HS3ST3B1: variants seen among roughly 807,000 people sequenced by gnomAD.
HS3ST3B1 encodes heparan sulfate glucosamine 3-O-sulfotransferase 3B1.
A neutral mutation model predicts 21.3 loss-of-function variants in HS3ST3B1; 13 were observed. That is an observed-to-expected ratio of 0.61 (90% CI 0.40 to 0.97). HS3ST3B1 has a LOEUF of 0.97. Ranked by LOEUF, HS3ST3B1 falls within the 50% of genes least tolerant of loss-of-function variation. The pLI is 0.00. For missense variants in HS3ST3B1, 459 were observed against 554.8 expected (o/e 0.83, Z 1.73); for synonymous variants, 234 against 254.8 (o/e 0.92, Z 0.78).
intron 1 of HS3ST3B1, among the ~76,000 whole-genome samples, chr17:14,326,684 C>T (rs557301757): frequency 5.9e-4 from 90 of 151,920 alleles, no homozygotes; most frequent in African/African-American, 1.9e-3. Context: ...TTTGGGAGGC[C>T]GAGGCGGGTG....
rs554176209 is a variant in HS3ST3B1, at chr17:14,314,266, A to G, written c.554+12194A>G. On this transcript the variant is annotated intron_variant, in intron 1 of 1. Coordinates refer to ENST00000360954, the MANE Select transcript of HS3ST3B1 (RefSeq NM_006041.3). ...AATGCTGGGATTACAGGCATGAGCC[A>G]CCCTGCCTGGCCTGGGTTTCTTATT... 1.0e-3 allele frequency among the ~76,000 whole-genome samples: 152 copies of G among 152,334 alleles called. 1 individual carries two copies. The highest frequency in any genetic ancestry group is 3.5e-3 in the African/African-American group (146 of 41,576).
chr17:14,315,137 G>A (rs893042842), intron 1 of HS3ST3B1, among the ~76,000 whole-genome samples: 5 of 152,126 alleles, frequency 3.3e-5, no homozygotes, highest in Non-Finnish European at 7.4e-5. Flanking sequence ...GCCTTTTGCT[G>A]TGGATAGTCA....
At chr17:14,308,931 G>A (rs554111209) in intron 1 of HS3ST3B1, among the ~76,000 whole-genome samples, 67 of 152,332 alleles carry the variant, frequency 4.4e-4, no homozygotes, top group African/African-American at 1.5e-3. Context: ...TCTGGGCAAT[G>A]TGAGGTTTGA....
rs542971035 is a variant in HS3ST3B1 at position 14,331,445 on chromosome 17, T to C, written c.555-13583T>C. Reference sequence around the variant, plus strand: ...TTTGAGCTCCACCCCCTTATGGTATTCAAGGGCTTTTCATTTTCTGAGCAG... The same window carrying C: ...TTTGAGCTCCACCCCCTTATGGTATCCAAGGGCTTTTCATTTTCTGAGCAG... On this transcript the variant is annotated intron_variant, in intron 1 of 1. Coordinates refer to ENST00000360954, the MANE Select transcript of HS3ST3B1 (RefSeq NM_006041.3). Among the ~76,000 whole-genome samples the C allele has an allele frequency of 2.0e-4, 31 of 152,224 alleles. 1 individual carries two copies. The South Asian group carries it at 6.2e-3, about 31-fold the overall frequency.
chr17:14,312,792 T>C (rs573270953), intron 1 of HS3ST3B1, among the ~76,000 whole-genome samples: 1 of 152,172 alleles, frequency 6.6e-6, no homozygotes, highest in African/African-American at 2.4e-5. Flanking sequence ...CCCCACATTT[T>C]ACACTCTGTG....
chr17:14,301,723 C>A lies in HS3ST3B1; in HGVS notation c.205C>A (p.Arg69Ser). ...PGLLLLGSGS[R>S]AAHDPPALAT... Reference sequence around the variant, plus strand: ...GCTGCTGCTCCTGGGCTCTGGGTCCCGCGCCGCACACGACCCGCCAGCCCT... The same window carrying A: ...GCTGCTGCTCCTGGGCTCTGGGTCCAGCGCCGCACACGACCCGCCAGCCCT... Residue 69 changes from arginine to serine, a missense_variant, in exon 1 of 2, where the codon CGC (arginine) becomes AGC (serine). By Grantham distance (110) the Arg-to-Ser change is moderately radical (BLOSUM62 -1). Around this residue, in one of 3 missense-constraint regions of HS3ST3B1, gnomAD observed 317 missense variants for 278.6 expected, o/e 1.14. Coordinates refer to ENST00000360954, the MANE Select transcript of HS3ST3B1 (RefSeq NM_006041.3). 6.2e-7 allele frequency: 1 copy of A among 1,602,608 alleles called. No individual in the cohort carries two copies. Among genetic ancestry groups the A allele is most frequent in the Non-Finnish European group, 8.5e-7 (1 of 1,176,340 alleles).
Position 14,303,390 on chromosome 17 carries a change from G to T in HS3ST3B1, c.554+1318G>T, listed in dbSNP as rs1909009440. On this transcript the variant is annotated intron_variant, in intron 1 of 1. Coordinates refer to ENST00000360954, the MANE Select transcript of HS3ST3B1 (RefSeq NM_006041.3). This position sits in a 1 kb window ranked among gnomAD's most constrained non-coding sequence, Gnocchi z 5.7. ...GCGGATTAAAACGGCTCCCTTCCCA[G>T]CCTCGTCCTACCCCTTCCCCTTTGT... 6.6e-6 allele frequency among the ~76,000 whole-genome samples: 1 copy of T among 152,192 alleles called. No individual in the cohort carries two copies. Among genetic ancestry groups the T allele is most frequent in the Non-Finnish European group, 1.5e-5 (1 of 68,040 alleles).
At chr17:14,307,410 GAA>G (rs11383288) in intron 1 of HS3ST3B1, among the ~76,000 whole-genome samples, 12 of 141,386 alleles carry the variant, frequency 8.5e-5, no homozygotes, top group East Asian at 4.0e-4. Flanking sequence ...GTTTTAGTCT[GAA>G]AAAAAAAAAA....
intron 1 of HS3ST3B1, among the ~76,000 whole-genome samples, chr17:14,316,468 A>T (rs4791574): frequency 1.3e-5 from 2 of 151,982 alleles, no homozygotes; most frequent in South Asian, 4.2e-4. Context: ...CTGTTTTCAA[A>T]GGTAAGTGTT....
intron 1 of HS3ST3B1, chr17:14,329,307 G>GAAAAAGAGAGAAAGAA (rs1567641152): frequency 9.3e-6 from 1 of 107,844 alleles, no homozygotes; most frequent in African/African-American, 3.5e-5. Context: ...GAAAGAAAGA[G>GAAAAAGAGAGAAAGAA]AGAAAGAGAG....
At chr17:14,343,388 A>G (rs181459813) in intron 1 of HS3ST3B1, among the ~76,000 whole-genome samples, 8 of 152,320 alleles carry the variant, frequency 5.3e-5, no homozygotes, top group Admixed American at 5.2e-4. Context: ...TATTATTATT[A>G]ACTGTGGTCA....
rs1002170740 is a variant in HS3ST3B1, at chr17:14,334,221, G to A, written c.555-10807G>A. Among the ~76,000 whole-genome samples the A allele has an allele frequency of 1.3e-4, 19 of 151,796 alleles. No individual in the cohort carries two copies. In the South Asian group the frequency reaches 2.3e-3, roughly 18 times the overall value. ...TGAAAAGTTTGGGGGAGCCTGAGTCGTTTGATTGGGAGAAGAATCTTTGCT... is the reference window on the plus strand; with the variant it reads ...TGAAAAGTTTGGGGGAGCCTGAGTCATTTGATTGGGAGAAGAATCTTTGCT... On this transcript the variant is annotated intron_variant, in intron 1 of 1. Transcript: ENST00000360954.
chr17:14,301,260 G>A lies in HS3ST3B1; in HGVS notation c.-259G>A. 2.1e-6 allele frequency: 1 copy of A among 487,174 alleles called. No individual in the cohort carries two copies. Among genetic ancestry groups the A allele is most frequent in the Non-Finnish European group, 3.6e-6 (1 of 279,434 alleles). The allele number at this position is 487,174 out of a possible 1,614,324, so 30.2% of individuals were successfully genotyped here. A position where few individuals can be genotyped will look rare whatever the true frequency, so the allele number is the denominator to read the frequency against. On this transcript the variant is annotated 5_prime_UTR_variant, in exon 1 of 2. Coordinates refer to ENST00000360954, the MANE Select transcript of HS3ST3B1 (RefSeq NM_006041.3). ...CGTCGCGCCCCGGGAGCAGACCCTC[G>A]CCCAGCAGTTACCGCCGTCCCGACT...
chr17:14,317,018 C>G (rs1909522298), intron 1 of HS3ST3B1, among the ~76,000 whole-genome samples: 1 of 152,252 alleles, frequency 6.6e-6, no homozygotes, highest in South Asian at 2.1e-4. Flanking sequence ...GCCTGCTCAC[C>G]TCTACCTGAG....
intron 1 of HS3ST3B1, among the ~76,000 whole-genome samples, chr17:14,334,294 T>G (rs1300766608): frequency 6.6e-6 from 1 of 151,902 alleles, no homozygotes; most frequent in Non-Finnish European, 1.5e-5. Flanking sequence ...ATTGACTTTA[T>G]TTTTAAGAGC....
chr17:14,339,005 A>G (rs1910286119), intron 1 of HS3ST3B1, among the ~76,000 whole-genome samples: 1 of 152,158 alleles, frequency 6.6e-6, no homozygotes, highest in Admixed American at 6.5e-5. Context: ...AGTATCTCCT[A>G]GGCTTGTCCC....
chr17:14,310,732 G>A (rs1222150057), intron 1 of HS3ST3B1, among the ~76,000 whole-genome samples: 1 of 152,150 alleles, frequency 6.6e-6, no homozygotes, highest in Admixed American at 6.5e-5. Flanking sequence ...AACTCTCTTG[G>A]CTGGATCCAG....
At chr17:14,305,700 G>A (rs1909114773) in intron 1 of HS3ST3B1, among the ~76,000 whole-genome samples, 1 of 152,102 alleles carries the variant, frequency 6.6e-6, no homozygotes, top group South Asian at 2.1e-4. Flanking sequence ...TACAAAATAA[G>A]CTGACACGTT....
chr17:14,316,882 A>G (rs532141788), intron 1 of HS3ST3B1, among the ~76,000 whole-genome samples: 11 of 152,372 alleles, frequency 7.2e-5, no homozygotes, highest in African/African-American at 2.6e-4. Context: ...GTATAAAACT[A>G]AAGTTACAGG....
Sources: gnomAD v4.1 joint callset for allele counts (sites outside exome capture counted in the v4.1 genomes callset) on GRCh38, gnomAD v4.1.1 for gene constraint, gnomAD v4.1.1 regional missense constraint, Gnocchi (gnomAD v3.1) non-coding constraint, MANE v1.5 for transcripts, NCBI Gene and HGNC (gene_info 2026-07-23, HGNC 2026-07-21) for gene names.